The following RREB1 variants were observed in gnomAD, a reference collection of about 807,000 sequenced individuals.
The protein encoded by RREB1 is ras-responsive element-binding protein 1.
Under a neutral mutation model 117.8 loss-of-function variants are expected in RREB1, and 27 were observed. That is an observed-to-expected ratio of 0.23 (90% CI 0.17 to 0.32). RREB1 has a LOEUF of 0.32. RREB1 is among the 10% of genes least tolerant of loss of function. The pLI is 1.00. For synonymous variants in RREB1, 1,298 were observed against 1,026.7 expected, an observed-to-expected ratio of 1.26 and a Z score of -5.05; for missense variants, 2,577 against 2,378.2, an observed-to-expected ratio of 1.08 and a Z score of -1.74.
At chr6:7,211,523 C>T in intron 7 of RREB1, 50 bp from the exon 8 acceptor site, 1 of 1,579,344 alleles carries the variant, frequency 6.3e-7, no homozygotes, top group African/African-American at 1.3e-5. Context: ...CTTCCGAAGC[C>T]ATCCCATGTG....
At chr6:7,206,371 C>T (rs1215377934) in intron 6 of RREB1, among the ~76,000 whole-genome samples, 1 of 152,196 alleles carries the variant, frequency 6.6e-6, no homozygotes, top group East Asian at 1.9e-4. Flanking sequence ...GTCCTGGAAC[C>T]TGAGCGTGTA....
chr6:7,196,491 A>G (rs896852499), intron 6 of RREB1, among the ~76,000 whole-genome samples: 7 of 151,954 alleles, frequency 4.6e-5, no homozygotes, highest in Non-Finnish European at 8.8e-5. Context: ...CAAATAAAGT[A>G]AACTTCACAG....
At chr6:7,216,924 G>A (rs998873729) in intron 8 of RREB1, 31 of 152,438 alleles carry the variant, frequency 2.0e-4, no homozygotes, top group African/African-American at 6.8e-4. Flanking sequence ...AGCTTCGGTA[G>A]CCACTACACA....
At chr6:7,156,632 C>G (rs1164278112) in intron 1 of RREB1, among the ~76,000 whole-genome samples, 1 of 152,160 alleles carries the variant, frequency 6.6e-6, no homozygotes, top group African/African-American at 2.4e-5. Flanking sequence ...ACCTGGTGCC[C>G]TTGGTATTTG....
chr6:7,176,841 CCT>C (rs1404398113), intron 2 of RREB1, 68 bp downstream of exon 2: 1 of 152,566 alleles, frequency 6.6e-6, no homozygotes, highest in East Asian at 1.9e-4. Context: ...CCCATGCCCT[CCT>C]CTCCTACCCT....
chr6:7,230,369 T>C lies in RREB1; in HGVS notation c.2270T>C (p.Leu757Pro). 6.3e-7 allele frequency: 1 copy of C among 1,592,268 alleles called. No individual in the cohort carries two copies. Among genetic ancestry groups the C allele is most frequent in the Non-Finnish European group, 8.5e-7 (1 of 1,174,110 alleles). Residue 757 changes from leucine to proline, a missense_variant, in exon 10 of 13, where the codon CTG becomes CCG. Coordinates refer to ENST00000379938, the MANE Select transcript of RREB1 (RefSeq NM_001003699.4). ...TGCGCCCCGGACACCGTGTGCCGGC[T>C]GTGCGGCGAGGACCTCAAGCACTAT... is the stretch of plus-strand genomic sequence containing the variant. ...AFCAPDTVCRLCGEDLKHYRA... is the reference protein window; with the variant it reads ...AFCAPDTVCRPCGEDLKHYRA...
At chr6:7,211,044 A>G (rs2113618222) in intron 7 of RREB1, 96 bp downstream of exon 7, 3 of 1,235,762 alleles carry the variant, frequency 2.4e-6, no homozygotes, top group South Asian at 1.4e-5. Context: ...CTTGGCAGAC[A>G]TACATCCTAA....
chr6:7,228,495 CTTTTTT>C (rs568193582), intron 9 of RREB1, among the ~76,000 whole-genome samples: 17 of 91,204 alleles, frequency 1.9e-4, no homozygotes, highest in African/African-American at 6.0e-4. Context: ...AGAAGGTCAA[CTTTTTT>C]TTTTTTTTTT....
chr6:7,200,244 ATGTGTGTGTGTGTGTGTGTGTG>A (rs70978945), intron 6 of RREB1, among the ~76,000 whole-genome samples: 1 of 129,358 alleles, frequency 7.7e-6, no homozygotes, highest in African/African-American at 2.9e-5. Context: ...ATGTGTGTAT[ATGTGTGTGTGTGTGTGTGTGTG>A]TGTGTGTGTG....
chr6:7,108,377 C>T (rs888325587), intron 1 of RREB1, among the ~76,000 whole-genome samples: 3 of 151,770 alleles, frequency 2.0e-5, no homozygotes, highest in Admixed American at 6.6e-5. Context: ...GAGCCGCCGG[C>T]TCTGCCAACC....
Position 7,182,020 on chromosome 6 carries a change from C to A in RREB1, c.109C>A (p.Pro37Thr). 1.2e-6 allele frequency: 2 copies of A among 1,613,792 alleles called. No homozygotes were observed. Among genetic ancestry groups the A allele is most frequent in the Non-Finnish European group, 1.7e-6 (2 of 1,179,916 alleles). ...VGKVTENGGS[P>T]QGIKSPSKPP... ...GAAGGTCACAGAGAATGGCGGGAGC[C>A]CCCAGGGGATCAAGTCCCCCTCGAA... The change falls in exon 4 of 13, where the codon CCC becomes ACC. Residue 37 changes from proline (P) to threonine (T), a missense_variant. Coordinates refer to ENST00000379938, the MANE Select transcript of RREB1 (RefSeq NM_001003699.4).
At chr6:7,170,447 C>G (rs1402548179) in intron 1 of RREB1, among the ~76,000 whole-genome samples, 1 of 152,200 alleles carries the variant, frequency 6.6e-6, no homozygotes, top group African/African-American at 2.4e-5. Context: ...ACCAGGAATC[C>G]TGGCTGAAGG....
intron 4 of RREB1, among the ~76,000 whole-genome samples, chr6:7,185,963 T>C (rs978490673): frequency 2.5e-4 from 38 of 152,308 alleles, no homozygotes; most frequent in African/African-American, 9.1e-4. Context: ...TAATAATGCT[T>C]GTCTATTAGT....
intron 6 of RREB1, among the ~76,000 whole-genome samples, chr6:7,196,232 T>C (rs1345280307): frequency 7.4e-6 from 1 of 134,298 alleles, no homozygotes; most frequent in African/African-American, 2.9e-5. Flanking sequence ...TTTTTTTTTG[T>C]TTTTTTTTTT....
rs1764796584 is a variant in RREB1, at chr6:7,181,599, A to C, written c.-42-271A>C. 5 of 568,506 alleles carry C rather than the reference A, an allele frequency of 8.8e-6. No individual in the cohort carries two copies. In the South Asian group the frequency reaches 1.2e-4, roughly 14 times the overall value. 35.2% of individuals were successfully genotyped at this position (568,506 alleles called of 1,614,324 possible). On this transcript the variant is annotated intron_variant, in intron 3 of 12. Coordinates refer to ENST00000379938, the MANE Select transcript of RREB1 (RefSeq NM_001003699.4). ...CCACTCTGCCTAACCCAGATTAGGAAAGGTAGAGAAACCTGCCTCTCATGA... is the reference window on the plus strand; with the variant it reads ...CCACTCTGCCTAACCCAGATTAGGACAGGTAGAGAAACCTGCCTCTCATGA...
intron 1 of RREB1, among the ~76,000 whole-genome samples, chr6:7,116,011 T>C (rs541851569): frequency 6.6e-6 from 1 of 152,268 alleles, no homozygotes; most frequent in Admixed American, 6.5e-5. Flanking sequence ...CCTCATCAAG[T>C]CACAAACGCC....
chr6:7,182,723 G>A (rs1764873502), intron 4 of RREB1, among the ~76,000 whole-genome samples: 1 of 152,220 alleles, frequency 6.6e-6, no homozygotes, highest in Admixed American at 6.5e-5. Flanking sequence ...GCAACATACT[G>A]TTGAACAGAA....
chr6:7,111,797 T>A (rs1033639366), intron 1 of RREB1, among the ~76,000 whole-genome samples: 2 of 152,240 alleles, frequency 1.3e-5, no homozygotes, highest in South Asian at 4.1e-4. Flanking sequence ...ATTACCAGTG[T>A]GTTCAGGTTG....
intron 1 of RREB1, among the ~76,000 whole-genome samples, chr6:7,145,320 A>G (rs899553546): frequency 6.6e-6 from 1 of 152,166 alleles, no homozygotes; most frequent in Admixed American, 6.5e-5. Context: ...TCCTTTTCCC[A>G]TAGTTTCTTG....
Sources: gnomAD v4.1 joint callset for allele counts (sites outside exome capture counted in the v4.1 genomes callset) on GRCh38, gnomAD v4.1.1 for gene constraint, MANE v1.5 for transcripts, NCBI Gene and HGNC (gene_info 2026-07-23, HGNC 2026-07-21) for gene names.